The following PAPSS2 variants were observed in gnomAD, a reference collection of about 807,000 sequenced individuals.
The protein encoded by PAPSS2 is 3'-phosphoadenosine 5'-phosphosulfate synthase 2, also known as bifunctional 3'-phosphoadenosine 5'-phosphosulfate synthase 2.
A neutral mutation model predicts 66.5 loss-of-function variants in PAPSS2; 61 were observed. That is an observed-to-expected ratio of 0.92 (90% CI 0.75 to 1.14). The LOEUF (loss-of-function observed/expected upper bound fraction) is 1.14, where lower values mean the gene tolerates loss of function less well. Among genes scored for constraint, PAPSS2 ranks in the 50% most tolerant of loss-of-function variants. PAPSS2 has a pLI of 0.00. For synonymous variants in PAPSS2, 289 were observed against 287.5 expected, an observed-to-expected ratio of 1.01 and a Z score of -0.05; for missense variants, 708 against 789.6, an observed-to-expected ratio of 0.90 and a Z score of 1.24.
chr10:87,719,146 C>G (rs1374067102), intron 7 of PAPSS2, among the ~76,000 whole-genome samples: 1 of 152,110 alleles, frequency 6.6e-6, no homozygotes, highest in Non-Finnish European at 1.5e-5. Flanking sequence ...AATAGATAAT[C>G]AGGGATATGA....
chr10:87,684,413 TTGTG>T (rs775503032), intron 1 of PAPSS2, among the ~76,000 whole-genome samples: 19 of 152,216 alleles, frequency 1.2e-4, no homozygotes, highest in Non-Finnish European at 7.3e-5. Context: ...AGCTAATGCT[TTGTG>T]TAAGTCTTCA....
In PAPSS2 at chr10:87,745,841, G is replaced by A. The variant is rs1467454428; in HGVS notation, c.1731G>A (p.Glu577=). Residue 577 remains glutamate, a synonymous_variant, in exon 13 of 13, where the codon GAG becomes GAA. Transcript: ENST00000456849. The part of the protein sequence containing the change: ...MDFYDPARHN[E]FDFISGTRMR... Reference sequence around the variant, plus strand: ...TGCCACCCTGTAACAGGCACAATGAGTTTGACTTCATCTCAGGAACTCGAA... The same window carrying A: ...TGCCACCCTGTAACAGGCACAATGAATTTGACTTCATCTCAGGAACTCGAA... 1 of 1,613,922 alleles carries A rather than the reference G, an allele frequency of 6.2e-7. No individual in the cohort carries two copies. Among genetic ancestry groups the A allele is most frequent in the Admixed American group, 1.7e-5 (1 of 60,000 alleles).
intron 1 of PAPSS2, among the ~76,000 whole-genome samples, chr10:87,688,443 T>TTTTATTTTATTTTA (rs541821509): frequency 4.2e-4 from 58 of 138,116 alleles, no homozygotes; most frequent in Non-Finnish European, 6.0e-4. Context: ...TTCTTTTTTA[T>TTTTATTTTATTTTA]TTTATTTATT....
In PAPSS2 at chr10:87,743,492, C is replaced by T; in HGVS notation, c.1342C>T (p.Pro448Ser). Residue 448 changes from proline to serine, a missense_variant, in exon 11 of 13, where the codon CCT becomes TCT. By Grantham distance (74) the Pro-to-Ser change is moderately conservative. Coordinates refer to ENST00000456849, the MANE Select transcript of PAPSS2 (RefSeq NM_001015880.2). ...GYKHPVLLLH[P>S]LGGWTKDDDV... ...CAAGCACCCGGTCCTCCTACTACAC[C>T]CTCTGGGCGGCTGGACCAAGGATGA... 1.9e-6 allele frequency: 3 copies of T among 1,614,116 alleles called. No individual in the cohort carries two copies. The highest frequency in any genetic ancestry group is 1.7e-6 in the Non-Finnish European group (2 of 1,180,008).
chr10:87,661,055 T>A lies in PAPSS2; in HGVS notation c.27+1047T>A, dbSNP rs1033791902. Reference sequence around the variant, plus strand: ...AGATAGACGTGCAATGGACACATAGTAGGTGCCTGATAAATGTTTATTCTT... The same window carrying A: ...AGATAGACGTGCAATGGACACATAGAAGGTGCCTGATAAATGTTTATTCTT... On this transcript the variant is annotated intron_variant, in intron 1 of 12. Coordinates refer to ENST00000456849, the MANE Select transcript of PAPSS2 (RefSeq NM_001015880.2). 18 of 455,738 alleles carry A rather than the reference T, an allele frequency of 3.9e-5. 2 individuals are homozygous for A. The highest frequency in any genetic ancestry group is 3.3e-4 in the Middle Eastern group (1 of 3,068). The allele number at this position is 455,738 out of a possible 1,614,324, so 28.2% of individuals were successfully genotyped here.
At chr10:87,728,817 T>C (rs943557336) in intron 9 of PAPSS2, among the ~76,000 whole-genome samples, 1 of 152,288 alleles carries the variant, frequency 6.6e-6, no homozygotes, top group Non-Finnish European at 1.5e-5. Flanking sequence ...AAGATATGGC[T>C]TCTTTTGGTC....
In PAPSS2 at chr10:87,661,129, C is replaced by T. The variant is rs562807986; in HGVS notation, c.27+1121C>T. The T allele has an allele frequency of 4.7e-4, 173 of 369,224 alleles. 3 individuals carry two copies. Among genetic ancestry groups the T allele is most frequent in the South Asian group, 2.8e-3 (157 of 55,632 alleles). The allele number at this position is 369,224 out of a possible 1,614,324, so 22.9% of individuals were successfully genotyped here. A position where few individuals can be genotyped will look rare whatever the true frequency, so the allele number is the denominator to read the frequency against. On this transcript the variant is annotated intron_variant, in intron 1 of 12. Transcript: ENST00000456849. ...TCTTTGAGGTGTATTTGTGGTGGGCCGGGGAGAGGTTTAAAAAAAAAAACA... is the reference window on the plus strand; with the variant it reads ...TCTTTGAGGTGTATTTGTGGTGGGCTGGGGAGAGGTTTAAAAAAAAAAACA...
chr10:87,712,778 T>C (rs1171973326), intron 2 of PAPSS2, among the ~76,000 whole-genome samples: 1 of 152,010 alleles, frequency 6.6e-6, no homozygotes, highest in Admixed American at 6.6e-5. Context: ...AACTTTCTAA[T>C]CTTTAAAACA....
chr10:87,681,499 G>A (rs188743830), intron 1 of PAPSS2, among the ~76,000 whole-genome samples: 4 of 152,108 alleles, frequency 2.6e-5, no homozygotes, highest in African/African-American at 9.7e-5. Context: ...GCTAAGTCAA[G>A]GTTTTCATCA....
At chr10:87,678,548 A>C (rs775771324) in intron 1 of PAPSS2, among the ~76,000 whole-genome samples, 10 of 152,104 alleles carry the variant, frequency 6.6e-5, no homozygotes, top group Admixed American at 6.6e-5. Flanking sequence ...CTATCTTCTG[A>C]CAAGGGACTA....
At chr10:87,743,067 G>A (rs768400921) in intron 10 of PAPSS2, among the ~76,000 whole-genome samples, 3 of 152,122 alleles carry the variant, frequency 2.0e-5, no homozygotes, top group Non-Finnish European at 4.4e-5. Flanking sequence ...CCAACATGGT[G>A]AAACCCTGAG....
At chr10:87,735,342 C>G (rs901558334) in intron 9 of PAPSS2, among the ~76,000 whole-genome samples, 4 of 152,190 alleles carry the variant, frequency 2.6e-5, no homozygotes, top group Admixed American at 2.6e-4. Flanking sequence ...TCTCTTCAAA[C>G]AGACAGGTTT....
chr10:87,714,108 A>T lies in PAPSS2; in HGVS notation c.446A>T (p.Asp149Val). ...CTGCCATTCTTTGAAATATTTGTAG[A>T]TGCACCTCTAAATATTTGTGAAAGC... ...AGLPFFEIFVDAPLNICESRD... is the reference protein window; with the variant it reads ...AGLPFFEIFVVAPLNICESRD... The change falls in exon 4 of 13, where the codon GAT becomes GTT. Residue 149 changes from aspartate (D) to valine (V), a missense_variant. Transcript: ENST00000456849. 1 of 1,613,532 alleles carries T rather than the reference A, an allele frequency of 6.2e-7. No individual in the cohort carries two copies. The highest frequency in any genetic ancestry group is 2.2e-5 in the East Asian group (1 of 44,876).
At chr10:87,693,565 G>A (rs1853197074) in intron 1 of PAPSS2, among the ~76,000 whole-genome samples, 1 of 152,188 alleles carries the variant, frequency 6.6e-6, no homozygotes, top group Non-Finnish European at 1.5e-5. Flanking sequence ...TAACCTACTT[G>A]AGAATGTGCT....
At chr10:87,713,395 C>T (rs1472344923) in intron 3 of PAPSS2, 85 bp downstream of exon 3, 11 of 767,420 alleles carry the variant, frequency 1.4e-5, no homozygotes, top group Middle Eastern at 3.6e-4. Flanking sequence ...GGGAAGGAAT[C>T]GGAGAGGGAG....
intron 1 of PAPSS2, among the ~76,000 whole-genome samples, chr10:87,706,110 G>GATATATATATA (rs1853385379): frequency 1.5e-5 from 1 of 65,158 alleles, no homozygotes; most frequent in Non-Finnish European, 2.9e-5. Flanking sequence ...ATATATATAT[G>GATATATATATA]TGTGTGTGTG....
intron 1 of PAPSS2, among the ~76,000 whole-genome samples, chr10:87,707,228 A>C (rs1293397756): frequency 1.3e-5 from 2 of 152,184 alleles, no homozygotes; most frequent in Non-Finnish European, 2.9e-5. Context: ...AGCTCTAAGG[A>C]ATTCAATAAT....
intron 1 of PAPSS2, among the ~76,000 whole-genome samples, chr10:87,697,574 G>C (rs1853250242): frequency 6.6e-6 from 1 of 152,204 alleles, no homozygotes; most frequent in Non-Finnish European, 1.5e-5. Flanking sequence ...CAGAGGAAGA[G>C]CTGCCTCAAG....
intron 1 of PAPSS2, chr10:87,703,989 T>C (rs1554864530): frequency 4.0e-6 from 2 of 499,658 alleles, no homozygotes; most frequent in South Asian, 2.9e-5. Context: ...TTTCCAAAGC[T>C]TAGAACATCA....
Sources: allele counts gnomAD v4.1 joint callset (sites outside exome capture counted in the v4.1 genomes callset), GRCh38; gene constraint gnomAD v4.1.1; transcripts MANE v1.5; gene names NCBI Gene and HGNC (gene_info 2026-07-23, HGNC 2026-07-21).